ADAMTSL1: variants seen among roughly 807,000 people sequenced by gnomAD.
ADAMTSL1 encodes ADAMTS-like protein 1.
In ADAMTSL1, 126 loss-of-function variants were observed where a neutral mutation model predicts 201.8. That is an observed-to-expected ratio of 0.62 (90% CI 0.54 to 0.72). The LOEUF is 0.72. Among genes scored for constraint, ADAMTSL1 ranks in the 30% least tolerant of loss-of-function variants. The probability of loss-of-function intolerance (pLI) is 0.00; values close to 1 mark genes in which losing one functional copy is unlikely to be tolerated. For missense variants in ADAMTSL1, 2,679 were observed against 2,277.8 expected (o/e 1.18, Z -3.59); for synonymous variants, 1,121 against 903.4 (o/e 1.24, Z -4.32).
In ADAMTSL1 at chr9:18,198,937, T is replaced by G. The variant is rs1292531092; in HGVS notation, c.207+34956T>G. On this transcript the variant is annotated intron_variant, in intron 2 of 29. Transcript: ENST00000680146. ...TGGAATACTATGCAGCCATAAAAAA[T>G]GATGAGTTCATGTCCTTTGCAGGGA... 1.1e-4 allele frequency among the ~76,000 whole-genome samples: 15 copies of G among 142,038 alleles called. No individual in the cohort carries two copies. The East Asian group carries it at 2.6e-3, about 25-fold the overall frequency. The allele number at this position is 142,038 out of a possible 152,430, so 93.2% of individuals were successfully genotyped here.
chr9:18,140,658 A>G (rs925595864), intron 1 of ADAMTSL1, among the ~76,000 whole-genome samples: 1 of 152,202 alleles, frequency 6.6e-6, no homozygotes, highest in Non-Finnish European at 1.5e-5. Flanking sequence ...GCAACAACTG[A>G]GGCAGTGAGC....
At chr9:18,574,842 T>G (rs1282432564) in intron 4 of ADAMTSL1, among the ~76,000 whole-genome samples, 1 of 152,204 alleles carries the variant, frequency 6.6e-6, no homozygotes, top group South Asian at 2.1e-4. Flanking sequence ...ATTTCTGGTA[T>G]CCATCCATTC....
intron 23 of ADAMTSL1, among the ~76,000 whole-genome samples, chr9:18,848,264 C>A (rs1826259817): frequency 6.6e-6 from 1 of 152,170 alleles, no homozygotes. Context: ...CAGGATGGGA[C>A]AAGGCATCAG....
chr9:18,659,566 A>T (rs549672831), intron 8 of ADAMTSL1, among the ~76,000 whole-genome samples: 2 of 152,298 alleles, frequency 1.3e-5, no homozygotes, highest in South Asian at 4.1e-4. Context: ...GGAGTTCGAG[A>T]CCAGTCTGGC....
intron 2 of ADAMTSL1, among the ~76,000 whole-genome samples, chr9:18,188,729 A>G (rs1828846158): frequency 6.6e-6 from 1 of 152,188 alleles, no homozygotes; most frequent in Admixed American, 6.5e-5. Context: ...TGGTGCTTTC[A>G]CTATATTTTG....
At chr9:18,526,289 G>T (rs577131472) in intron 2 of ADAMTSL1, among the ~76,000 whole-genome samples, 1 of 152,118 alleles carries the variant, frequency 6.6e-6, no homozygotes, top group Non-Finnish European at 1.5e-5. Flanking sequence ...TCCATTTGCC[G>T]CGTAGATCTT....
At chr9:17,913,184 T>C (rs1413717906) in intron 1 of ADAMTSL1, among the ~76,000 whole-genome samples, 1 of 152,126 alleles carries the variant, frequency 6.6e-6, no homozygotes, top group Admixed American at 6.5e-5. Context: ...TGTGGGCTCT[T>C]TTTTGGTTCC....
intron 2 of ADAMTSL1, among the ~76,000 whole-genome samples, chr9:18,422,751 G>A (rs1234368289): frequency 6.6e-6 from 1 of 152,142 alleles, no homozygotes; most frequent in African/African-American, 2.4e-5. Context: ...TGTTCCTGCA[G>A]CATCCGGTAT....
intron 1 of ADAMTSL1, among the ~76,000 whole-genome samples, chr9:17,955,515 G>C (rs529802174): frequency 6.6e-6 from 1 of 152,210 alleles, no homozygotes; most frequent in South Asian, 2.1e-4. Context: ...GGTCAGCTTT[G>C]GTCCAAAACA....
At chr9:18,135,058 T>C (rs151040988) in intron 1 of ADAMTSL1, among the ~76,000 whole-genome samples, 1 of 152,176 alleles carries the variant, frequency 6.6e-6, no homozygotes, top group African/African-American at 2.4e-5. Context: ...TCATTGTTGA[T>C]AATACCTGGT....
chr9:18,630,197 A>T lies in ADAMTSL1; in HGVS notation c.602-5746A>T, dbSNP rs760697616. ...CAAAGCCATGTTTGGTCTAGAGCTA[A>T]TTGTACCCTTTTACTGAGGCGGGAC... On this transcript the variant is annotated intron_variant, in intron 5 of 28. Coordinates refer to ENST00000380548, the MANE Select transcript of ADAMTSL1 (RefSeq NM_001040272.6). Among the ~76,000 whole-genome samples the T allele has an allele frequency of 1.2e-4, 19 of 152,136 alleles. 1 individual carries two copies. The highest frequency in any genetic ancestry group is 2.5e-4 in the Non-Finnish European group (17 of 68,018).
chr9:18,360,941 C>T (rs944050790), intron 2 of ADAMTSL1, among the ~76,000 whole-genome samples: 1 of 152,030 alleles, frequency 6.6e-6, no homozygotes, highest in South Asian at 2.1e-4. Flanking sequence ...AATAAATGAA[C>T]AAATCTCAAT....
intron 4 of ADAMTSL1, among the ~76,000 whole-genome samples, chr9:18,599,379 G>A (rs1187847672): frequency 6.6e-6 from 1 of 152,152 alleles, no homozygotes; most frequent in Admixed American, 6.5e-5. Flanking sequence ...GACAGGCATG[G>A]GCCTCAATTA....
chr9:18,799,711 G>A (rs1375301759), intron 20 of ADAMTSL1, among the ~76,000 whole-genome samples: 1 of 152,060 alleles, frequency 6.6e-6, no homozygotes, highest in East Asian at 1.9e-4. Flanking sequence ...TCACAGGAAG[G>A]GAGAGACAGA....
chr9:18,611,026 C>T (rs1305563572), intron 4 of ADAMTSL1, among the ~76,000 whole-genome samples: 4 of 152,142 alleles, frequency 2.6e-5, no homozygotes, highest in African/African-American at 9.7e-5. Flanking sequence ...TGAACAGACA[C>T]ATTCCAGTAA....
intron 19 of ADAMTSL1, among the ~76,000 whole-genome samples, chr9:18,779,743 C>G (rs539818177): frequency 6.6e-6 from 1 of 152,220 alleles, no homozygotes; most frequent in Non-Finnish European, 1.5e-5. Flanking sequence ...TGAGTGGCAG[C>G]TCCAGTGTGT....
chr9:18,135,364 G>A (rs1437264924), intron 1 of ADAMTSL1, among the ~76,000 whole-genome samples: 2 of 152,106 alleles, frequency 1.3e-5, no homozygotes, highest in African/African-American at 4.8e-5. Context: ...AACTCTTTGG[G>A]AATATAAGTC....
At chr9:18,059,882 G>T (rs753543806) in intron 1 of ADAMTSL1, among the ~76,000 whole-genome samples, 7 of 151,680 alleles carry the variant, frequency 4.6e-5, no homozygotes, top group Non-Finnish European at 1.0e-4. Context: ...TTCTCTTTAT[G>T]TGCATTTTTG....
intron 2 of ADAMTSL1, among the ~76,000 whole-genome samples, chr9:18,359,709 A>G (rs576916403): frequency 1.3e-5 from 2 of 152,070 alleles, no homozygotes; most frequent in Admixed American, 1.3e-4. Flanking sequence ...ATCATGTAAG[A>G]TATGTATACA....
Sources: gnomAD v4.1 joint callset for allele counts (sites outside exome capture counted in the v4.1 genomes callset) on GRCh38, gnomAD v4.1.1 for gene constraint, MANE v1.5 for transcripts, NCBI Gene and HGNC (gene_info 2026-07-23, HGNC 2026-07-21) for gene names.